CRTAC1: variants seen among roughly 807,000 people sequenced by gnomAD.
CRTAC1 encodes acidic secreted protein in cartilage.
Under a neutral mutation model 67.8 loss-of-function variants are expected in CRTAC1, and 37 were observed. The observed-to-expected ratio is 0.55, with a 90% CI of 0.42 to 0.72. CRTAC1 has a LOEUF of 0.72. Among genes scored for constraint, CRTAC1 ranks in the 30% least tolerant of loss-of-function variants. CRTAC1 has a pLI of 0.00. For synonymous variants in CRTAC1, 348 were observed against 371.0 expected (o/e 0.94, Z 0.71); for missense variants, 780 against 931.6 (o/e 0.84, Z 2.12).
rs2051085833 is a variant in CRTAC1 at position 97,936,261 on chromosome 10, C to A, written c.330G>T (p.Arg110=). The change falls in exon 3 of 15, where the codon CGG becomes CGT. Residue 110 remains arginine, a synonymous_variant. Coordinates refer to ENST00000370597, the MANE Select transcript of CRTAC1 (RefSeq NM_018058.7). ...CTGTGACCCCGATGGCGTTCCCCTG[C>A]CGGTCCCGCAGCGCGTAGTAGGGTG... is the stretch of plus-strand genomic sequence containing the variant. ...RSSPYYALRD[R]QGNAIGVTAC... is the part of the protein sequence containing the mutation. 1.2e-6 allele frequency: 2 copies of A among 1,614,040 alleles called. No homozygotes were observed. Among genetic ancestry groups the A allele is most frequent in the African/African-American group, 1.3e-5 (1 of 74,942 alleles).
intron 1 of CRTAC1, among the ~76,000 whole-genome samples, chr10:98,017,820 A>G (rs1843029479): frequency 1.3e-5 from 2 of 151,912 alleles, no homozygotes; most frequent in South Asian, 2.1e-4. Flanking sequence ...TACAGGTGTG[A>G]GCCATCGTAT....
At chr10:97,992,228 C>T (rs976890092) in intron 2 of CRTAC1, among the ~76,000 whole-genome samples, 1 of 152,176 alleles carries the variant, frequency 6.6e-6, no homozygotes, top group Admixed American at 6.5e-5. Flanking sequence ...AGAATTACAG[C>T]CCACCTTATT....
intron 8 of CRTAC1, among the ~76,000 whole-genome samples, chr10:97,900,041 C>G (rs1003967402): frequency 6.6e-6 from 1 of 152,216 alleles, no homozygotes; most frequent in East Asian, 1.9e-4. Flanking sequence ...TCCTGGGCCT[C>G]ACCCCCTGAG....
intron 2 of CRTAC1, among the ~76,000 whole-genome samples, chr10:98,010,546 T>A (rs1430629167): frequency 2.0e-5 from 3 of 152,332 alleles, no homozygotes. Flanking sequence ...GCTATTTGGA[T>A]TCCTAGTCTT....
chr10:98,007,758 C>T (rs1402638926), intron 2 of CRTAC1, among the ~76,000 whole-genome samples: 1 of 152,150 alleles, frequency 6.6e-6, no homozygotes, highest in Non-Finnish European at 1.5e-5. Flanking sequence ...TCCTATAGGA[C>T]CCACATAAAC....
intron 2 of CRTAC1, among the ~76,000 whole-genome samples, chr10:97,959,810 C>A (rs1333785244): frequency 6.6e-6 from 1 of 152,222 alleles, no homozygotes; most frequent in Non-Finnish European, 1.5e-5. Context: ...GCTTCTTGAA[C>A]CAGGTGCCTT....
Position 97,900,158 on chromosome 10 carries a change from C to T in CRTAC1, c.1133+1345G>A, listed in dbSNP as rs147431101. ...GGACGTCCCCTTGGAGAAATATTGC[C>T]GCAGCAAATCCAGCCCTTCCTCCCT... On this transcript the variant is annotated intron_variant, in intron 8 of 14. Transcript: ENST00000370597. Among the ~76,000 whole-genome samples the T allele has an allele frequency of 2.2e-3, 334 of 152,282 alleles. 1 individual carries two copies. The highest frequency in any genetic ancestry group is 7.3e-3 in the African/African-American group (305 of 41,544).
At chr10:97,995,807 G>A (rs185606690) in intron 2 of CRTAC1, among the ~76,000 whole-genome samples, 2 of 152,142 alleles carry the variant, frequency 1.3e-5, no homozygotes, top group Non-Finnish European at 1.5e-5. Flanking sequence ...GAGAGCTAGG[G>A]TATTCTCAGG....
intron 9 of CRTAC1, among the ~76,000 whole-genome samples, chr10:97,896,547 G>A (rs2050461372): frequency 6.6e-6 from 1 of 152,090 alleles, no homozygotes; most frequent in South Asian, 2.1e-4. Flanking sequence ...AGAGGGGAGG[G>A]GTCAGATGGC....
chr10:97,910,042 AG>A (rs1348289586), intron 5 of CRTAC1, among the ~76,000 whole-genome samples: 1 of 147,448 alleles, frequency 6.8e-6, no homozygotes, highest in African/African-American at 2.5e-5. Context: ...AGTGTTTACT[AG>A]GGGCTAGGGG....
In CRTAC1 at chr10:97,961,705, A is replaced by G. The variant is rs188005338; in HGVS notation, c.225-25339T>C. Among the ~76,000 whole-genome samples, 133 of 152,238 alleles carry G rather than the reference A, an allele frequency of 8.7e-4. 2 individuals are homozygous for G. The highest frequency in any genetic ancestry group is 3.2e-3 in the African/African-American group (132 of 41,552). ...TAGGTTGGTGATGGCTAAGGAAGAG[A>G]ATTCTGGACTCAATTTAAACATAGA... On this transcript the variant is annotated intron_variant, in intron 2 of 14. Transcript: ENST00000370597.
chr10:97,976,070 A>G (rs1409357003), intron 2 of CRTAC1, among the ~76,000 whole-genome samples: 1 of 152,118 alleles, frequency 6.6e-6, no homozygotes, highest in East Asian at 1.9e-4. Context: ...GTGCCTGGAG[A>G]GCCTGTTCCT....
chr10:98,021,074 C>T (rs1331348123), intron 1 of CRTAC1, among the ~76,000 whole-genome samples: 1 of 152,138 alleles, frequency 6.6e-6, no homozygotes, highest in Non-Finnish European at 1.5e-5. Flanking sequence ...ATGTCAGGTA[C>T]CGCTCTGGGC....
At chr10:97,912,296 T>C (rs2050697543) in intron 5 of CRTAC1, among the ~76,000 whole-genome samples, 3 of 152,266 alleles carry the variant, frequency 2.0e-5, no homozygotes, top group Non-Finnish European at 2.9e-5. Flanking sequence ...TGTTCTGCTG[T>C]TGGGGTGTGA....
At chr10:98,011,013 A>G (rs1214234585) in intron 2 of CRTAC1, 125 bp downstream of exon 2, 2 of 836,074 alleles carry the variant, frequency 2.4e-6, no homozygotes, top group Non-Finnish European at 3.9e-6. Flanking sequence ...TGAGCCACAG[A>G]CAACCACAGA....
At chr10:97,903,978 A>T (rs1283842964) in intron 7 of CRTAC1, among the ~76,000 whole-genome samples, 2 of 151,806 alleles carry the variant, frequency 1.3e-5, no homozygotes, top group African/African-American at 2.4e-5. Context: ...TTTGAACGTC[A>T]GTCTGAAAAG....
At chr10:98,009,725 C>T (rs1842871102) in intron 2 of CRTAC1, among the ~76,000 whole-genome samples, 1 of 152,186 alleles carries the variant, frequency 6.6e-6, no homozygotes, top group Non-Finnish European at 1.5e-5. Context: ...AAGCTCAGGC[C>T]TCCCAGAATG....
intron 1 of CRTAC1, among the ~76,000 whole-genome samples, chr10:98,018,834 C>G (rs1283994584): frequency 6.6e-6 from 1 of 152,108 alleles, no homozygotes; most frequent in Non-Finnish European, 1.5e-5. Flanking sequence ...CCCACACAGG[C>G]TGGGCCACCA....
At chr10:97,901,907 A>G (rs1335255379) in intron 7 of CRTAC1, among the ~76,000 whole-genome samples, 3 of 152,208 alleles carry the variant, frequency 2.0e-5, no homozygotes, top group African/African-American at 7.2e-5. Flanking sequence ...ACACCTGTCC[A>G]TCCCTTCTGT....
Sources: gnomAD v4.1 joint callset for allele counts (sites outside exome capture counted in the v4.1 genomes callset) on GRCh38, gnomAD v4.1.1 for gene constraint, MANE v1.5 for transcripts, NCBI Gene and HGNC (gene_info 2026-07-23, HGNC 2026-07-21) for gene names.